Variants in LPIN2 observed in about 807,000 individuals in gnomAD.
LPIN2 encodes phosphatidate phosphatase LPIN2.
Under a neutral mutation model 111.4 loss-of-function variants are expected in LPIN2, and 55 were observed. The ratio of observed to expected loss-of-function variants is 0.49; its 90% confidence interval spans 0.40 to 0.62. LPIN2 has a LOEUF of 0.62. LPIN2 is among the 20% of genes least tolerant of loss of function. The pLI is 0.00. For synonymous variants in LPIN2, 425 were observed against 414.0 expected (o/e 1.03, Z -0.32); for missense variants, 992 against 1,112.1 (o/e 0.89, Z 1.54).
chr18:2,933,609 AAATATACTTTTC>A (rs2077244411), intron 8 of LPIN2, among the ~76,000 whole-genome samples: 1 of 152,260 alleles, frequency 6.6e-6, no homozygotes, highest in African/African-American at 2.4e-5. Flanking sequence ...ATAAAAAACA[AAATATACTTTTC>A]AGTAATTCAT....
rs1262837200 is a variant in LPIN2 at position 2,925,551 on chromosome 18, A to G, written c.1794-183T>C. Among the ~76,000 whole-genome samples, 1 of 152,190 alleles carries G rather than the reference A, an allele frequency of 6.6e-6. No homozygotes were observed. Among genetic ancestry groups the G allele is most frequent in the East Asian group, 1.9e-4 (1 of 5,202 alleles). The stretch of plus-strand genomic sequence containing the variant: ...CCTGAAATATTCATATTGTTAACTG[A>G]TAAGGCCACTTTCATAACTGGCAAG... On this transcript the variant is annotated intron_variant, in intron 13 of 19. Transcript: ENST00000677752. This position sits in a 1 kb window ranked among gnomAD's most constrained non-coding sequence, Gnocchi z 4.1.
chr18:2,980,643 T>C (rs1398222730), intron 1 of LPIN2, among the ~76,000 whole-genome samples: 3 of 152,124 alleles, frequency 2.0e-5, no homozygotes, highest in Non-Finnish European at 4.4e-5. Flanking sequence ...CTCACAGAGA[T>C]GAGAATTGAG....
intron 4 of LPIN2, among the ~76,000 whole-genome samples, chr18:2,942,369 G>T (rs1465909728): frequency 2.0e-5 from 3 of 152,084 alleles, no homozygotes; most frequent in Non-Finnish European, 4.4e-5. Context: ...GTTTGTGAAT[G>T]GTCTTTATTT....
chr18:2,995,693 G>A (rs1378783751), intron 1 of LPIN2, among the ~76,000 whole-genome samples: 1 of 152,162 alleles, frequency 6.6e-6, no homozygotes, highest in Non-Finnish European at 1.5e-5. Flanking sequence ...TCTGACATGC[G>A]TGGTTCATCA....
At chr18:2,967,806 C>T (rs942897340) in intron 1 of LPIN2, 2 of 152,136 alleles carry the variant, frequency 1.3e-5, no homozygotes, top group Non-Finnish European at 2.9e-5. Flanking sequence ...TTCTTTTCCC[C>T]GTCATAGTAG....
rs2077113045 is a variant in LPIN2, at chr18:2,925,233, TGAGGA to T, written c.1924_1928del (p.Ser642ArgfsTer14). On this transcript the variant is annotated frameshift_variant, in exon 14 of 20. Coordinates refer to ENST00000677752, the MANE Select transcript of LPIN2 (RefSeq NM_001375808.2). LOFTEE classifies it high-confidence loss of function. This position sits in a 1 kb window ranked among gnomAD's most constrained non-coding sequence, Gnocchi z 4.1. Reference sequence around the variant, plus strand: ...ATCATGCAAGACTCACGATCTGGTCTGAGGAGAGGCGGAGAGACTTCTTATATGAA... The same window carrying T: ...ATCATGCAAGACTCACGATCTGGTCTGAGGCGGAGAGACTTCTTATATGAA... 13 of 1,614,188 alleles carry T rather than the reference TGAGGA, an allele frequency of 8.1e-6. No homozygotes were observed. The highest frequency in any genetic ancestry group is 8.5e-6 in the Non-Finnish European group (10 of 1,180,028).
chr18:2,995,798 T>A (rs1178979992), intron 1 of LPIN2, among the ~76,000 whole-genome samples: 1 of 152,216 alleles, frequency 6.6e-6, no homozygotes, highest in Non-Finnish European at 1.5e-5. Context: ...GGATACACTG[T>A]GAGACTCTGA....
chr18:2,946,743 T>C, intron 4 of LPIN2: 1 of 546,266 alleles, frequency 1.8e-6, no homozygotes, highest in Non-Finnish European at 3.3e-6. Context: ...TCACTGGTAG[T>C]ATGGAACAGA....
At chr18:2,945,572 T>C (rs1025402033) in intron 4 of LPIN2, 4 of 1,513,288 alleles carry the variant, frequency 2.6e-6, no homozygotes, top group Admixed American at 1.7e-5. Flanking sequence ...TCTTTTTGTT[T>C]TTCCTGCTTT....
intron 1 of LPIN2, among the ~76,000 whole-genome samples, chr18:3,002,236 C>CAAAAAAAAA (rs765641037): frequency 4.0e-4 from 33 of 82,800 alleles, no homozygotes; most frequent in Middle Eastern, 8.6e-3. Context: ...TTCAAAAGAC[C>CAAAAAAAAA]AAAAAAAAAA....
At chr18:2,969,466 TCA>T (rs1215730749) in intron 1 of LPIN2, among the ~76,000 whole-genome samples, 1 of 152,184 alleles carries the variant, frequency 6.6e-6, no homozygotes, top group Admixed American at 6.5e-5. Flanking sequence ...TCCCCGTAGA[TCA>T]CAAACTCTGT....
chr18:2,931,592 A>G, intron 8 of LPIN2, 149 bp from the exon 9 acceptor site: 2 of 745,660 alleles, frequency 2.7e-6, no homozygotes, highest in Non-Finnish European at 4.6e-6. Context: ...TTTCTTAGAT[A>G]GGGTTTAGAA....
chr18:2,933,046 G>C (rs1338078604), intron 8 of LPIN2, among the ~76,000 whole-genome samples: 1 of 152,176 alleles, frequency 6.6e-6, no homozygotes, highest in East Asian at 1.9e-4. Flanking sequence ...AAATACAAAA[G>C]TGTGTGATTT....
chr18:2,971,806 G>C (rs561578675), intron 1 of LPIN2, among the ~76,000 whole-genome samples: 1 of 149,934 alleles, frequency 6.7e-6, no homozygotes, highest in South Asian at 2.1e-4. Flanking sequence ...CCAGCACTTT[G>C]GGAGGCCGAG....
chr18:2,971,251 C>G (rs949139881), intron 1 of LPIN2, among the ~76,000 whole-genome samples: 3 of 152,130 alleles, frequency 2.0e-5, no homozygotes, highest in Non-Finnish European at 4.4e-5. Flanking sequence ...TTCAGGTTCC[C>G]TGGGTAAGGA....
At chr18:2,937,117 C>T (rs2077297617) in intron 7 of LPIN2, among the ~76,000 whole-genome samples, 1 of 152,128 alleles carries the variant, frequency 6.6e-6, no homozygotes. Flanking sequence ...GATTACAACT[C>T]ATTATTTGTT....
In LPIN2 at chr18:2,922,040, G is replaced by A. The variant is rs2144118376; in HGVS notation, c.2327+7C>T. The A allele has an allele frequency of 1.2e-6, 2 of 1,611,224 alleles. No homozygotes were observed. The highest frequency in any genetic ancestry group is 1.7e-6 in the Non-Finnish European group (2 of 1,178,116). ...GGTGGGCAGAGGGCTGCCTGCCGGAGAGGTACCTGTGGAAGGCGGAGAACA... is the reference window on the plus strand; with the variant it reads ...GGTGGGCAGAGGGCTGCCTGCCGGAAAGGTACCTGTGGAAGGCGGAGAACA... On this transcript the variant is annotated splice_region_variant and intron_variant, in intron 17 of 19. Transcript: ENST00000677752.
intron 1 of LPIN2, among the ~76,000 whole-genome samples, chr18:3,004,871 G>A (rs766720127): frequency 2.0e-5 from 3 of 152,270 alleles, no homozygotes; most frequent in Middle Eastern, 3.4e-3. Context: ...GGTTTACCTT[G>A]TCCAACTCAT....
chr18:2,961,250 A>C (rs1335784936), intron 1 of LPIN2, among the ~76,000 whole-genome samples: 1 of 152,200 alleles, frequency 6.6e-6, no homozygotes, highest in Non-Finnish European at 1.5e-5. Context: ...ATAGCAGCCA[A>C]ACAGAAAAAA....
Sources: allele counts gnomAD v4.1 joint callset (sites outside exome capture counted in the v4.1 genomes callset), GRCh38; gene constraint gnomAD v4.1.1; non-coding constraint Gnocchi (gnomAD v3.1); transcripts MANE v1.5; gene names NCBI Gene and HGNC (gene_info 2026-07-23, HGNC 2026-07-21).